MAP7: variants seen among roughly 807,000 people sequenced by gnomAD.
MAP7 encodes the protein microtubule associated protein 7, also known as ensconsin.
MAP7 carries 52 observed loss-of-function variants against 94.8 expected under a neutral mutation model. The observed-to-expected ratio is 0.55, with a 90% CI of 0.44 to 0.69. The LOEUF is 0.69. Ranked by LOEUF, MAP7 falls within the 30% of genes least tolerant of loss-of-function variation. MAP7 has a pLI of 0.00. For missense variants in MAP7, 940 were observed against 964.6 expected (o/e 0.97, Z 0.34); for synonymous variants, 350 against 357.0 (o/e 0.98, Z 0.22).
chr6:136,401,663 G>C (rs1784121375), intron 3 of MAP7, among the ~76,000 whole-genome samples: 1 of 151,912 alleles, frequency 6.6e-6, no homozygotes, highest in African/African-American at 2.4e-5. Flanking sequence ...GATAGCATTA[G>C]GAGATATACC....
At chr6:136,360,979 G>GGGGCCA in intron 12 of MAP7, 26 bp downstream of exon 12, 3 of 1,554,014 alleles carry the variant, frequency 1.9e-6, no homozygotes, top group Middle Eastern at 2.1e-4. Flanking sequence ...GACTGGGGCC[G>GGGGCCA]GGGCCAGGGT....
intron 3 of MAP7, among the ~76,000 whole-genome samples, chr6:136,400,370 T>G (rs1256076213): frequency 3.4e-5 from 5 of 149,180 alleles, no homozygotes; most frequent in African/African-American, 1.2e-4. Flanking sequence ...GAGCCAAGAT[T>G]GCGCTACTGC....
intron 1 of MAP7, among the ~76,000 whole-genome samples, chr6:136,440,324 A>G (rs1219767548): frequency 2.0e-5 from 3 of 152,188 alleles, no homozygotes; most frequent in Non-Finnish European, 4.4e-5. Flanking sequence ...ACTGTGATAG[A>G]GATCTCTACG....
intron 1 of MAP7, among the ~76,000 whole-genome samples, chr6:136,479,684 C>T (rs978587017): frequency 6.6e-6 from 1 of 152,008 alleles, no homozygotes; most frequent in Non-Finnish European, 1.5e-5. Context: ...ATCAAACATA[C>T]AAAAATCAGT....
chr6:136,345,826 A>G (rs1267353511), intron 17 of MAP7, 30 bp downstream of exon 17: 1 of 1,535,910 alleles, frequency 6.5e-7, no homozygotes. Flanking sequence ...ATTTCTGATG[A>G]CTACAGAAGG....
chr6:136,456,319 G>A (rs970625979), intron 1 of MAP7, among the ~76,000 whole-genome samples: 5 of 152,096 alleles, frequency 3.3e-5, no homozygotes, highest in African/African-American at 4.8e-5. Flanking sequence ...CAAAACTTAC[G>A]AGATGCAGCA....
intron 1 of MAP7, among the ~76,000 whole-genome samples, chr6:136,470,104 T>C (rs559849052): frequency 1.3e-5 from 2 of 152,300 alleles, no homozygotes; most frequent in East Asian, 3.9e-4. Context: ...CTTGCCCCGC[T>C]AACATGTGGA....
chr6:136,372,684 T>C (rs765130965), intron 7 of MAP7, 59 bp from the exon 8 acceptor site: 3 of 1,609,166 alleles, frequency 1.9e-6, no homozygotes, highest in Non-Finnish European at 2.6e-6. Flanking sequence ...CACACAAGAG[T>C]GCCAGAGGAG....
intron 1 of MAP7, among the ~76,000 whole-genome samples, chr6:136,474,881 A>C (rs1439424261): frequency 6.6e-6 from 1 of 151,968 alleles, no homozygotes; most frequent in Non-Finnish European, 1.5e-5. Flanking sequence ...ATGCTTGGCT[A>C]ATTTTTGTAT....
At chr6:136,469,832 C>T (rs1458155374) in intron 1 of MAP7, among the ~76,000 whole-genome samples, 1 of 152,182 alleles carries the variant, frequency 6.6e-6, no homozygotes, top group Non-Finnish European at 1.5e-5. Flanking sequence ...CAAGATCACA[C>T]AATAATCCCT....
chr6:136,386,498 A>G (rs2128650350), intron 5 of MAP7, among the ~76,000 whole-genome samples: 1 of 152,356 alleles, frequency 6.6e-6, no homozygotes, highest in Non-Finnish European at 1.5e-5. Context: ...GCAGCTTACC[A>G]TCTCCTCAAA....
intron 1 of MAP7, among the ~76,000 whole-genome samples, chr6:136,446,905 C>CTT (rs1799535046): frequency 6.6e-6 from 1 of 152,150 alleles, no homozygotes; most frequent in African/African-American, 2.4e-5. Context: ...CAGTCAAGGA[C>CTT]AAAAACTTAA....
chr6:136,455,818 A>C (rs1247802763), intron 1 of MAP7, among the ~76,000 whole-genome samples: 1 of 152,190 alleles, frequency 6.6e-6, no homozygotes, highest in Non-Finnish European at 1.5e-5. Flanking sequence ...AAGCTCTAAA[A>C]TCAAGGCACA....
At chr6:136,358,496 T>A (rs1189687812) in intron 15 of MAP7, among the ~76,000 whole-genome samples, 2 of 152,168 alleles carry the variant, frequency 1.3e-5, no homozygotes, top group African/African-American at 4.8e-5. Context: ...CATTAGAGCA[T>A]CTTTAAAAGA....
intron 1 of MAP7, among the ~76,000 whole-genome samples, chr6:136,474,009 G>A (rs1809974358): frequency 6.6e-6 from 1 of 152,068 alleles, no homozygotes; most frequent in Non-Finnish European, 1.5e-5. Flanking sequence ...GGGGTGGTCA[G>A]GGAGGGCCTC....
At chr6:136,532,842 CT>C (rs1325178090) in intron 1 of MAP7, among the ~76,000 whole-genome samples, 2 of 152,246 alleles carry the variant, frequency 1.3e-5, no homozygotes, top group Non-Finnish European at 2.9e-5. Context: ...ACTTATTCAA[CT>C]GATGGTCCCG....
At chr6:136,422,449 C>T (rs899783545) in intron 1 of MAP7, among the ~76,000 whole-genome samples, 7 of 152,104 alleles carry the variant, frequency 4.6e-5, no homozygotes, top group African/African-American at 1.7e-4. Flanking sequence ...AACAGGAGTT[C>T]TGGTTACTTT....
chr6:136,391,188 T>C (rs544035560), intron 3 of MAP7, among the ~76,000 whole-genome samples: 3 of 152,064 alleles, frequency 2.0e-5, no homozygotes, highest in Admixed American at 2.0e-4. Flanking sequence ...TAAGAAAATG[T>C]GGCACATATA....
chr6:136,442,557 C>T (rs1264027708), intron 1 of MAP7, among the ~76,000 whole-genome samples: 1 of 152,090 alleles, frequency 6.6e-6, no homozygotes, highest in Non-Finnish European at 1.5e-5. Flanking sequence ...CACCCAGACC[C>T]GCTGAGCTGC....
Sources: gnomAD v4.1 joint callset for allele counts (sites outside exome capture counted in the v4.1 genomes callset) on GRCh38, gnomAD v4.1.1 for gene constraint, MANE v1.5 for transcripts, NCBI Gene and HGNC (gene_info 2026-07-23, HGNC 2026-07-21) for gene names.